Variants in ADD3 observed in about 807,000 individuals in gnomAD.
ADD3 encodes gamma-adducin.
ADD3 carries 25 observed loss-of-function variants against 80.2 expected under a neutral mutation model. That is an observed-to-expected ratio of 0.31 (90% confidence interval 0.23 to 0.44). ADD3 has a LOEUF of 0.44. ADD3 is among the 20% of genes least tolerant of loss of function. ADD3 has a pLI of 1.00. For missense variants in ADD3, 829 were observed against 847.5 expected (o/e 0.98, Z 0.27); for synonymous variants, 284 against 289.6 (o/e 0.98, Z 0.20).
chr10:110,026,928 A>C (rs1423130106), intron 1 of ADD3, among the ~76,000 whole-genome samples: 2 of 152,162 alleles, frequency 1.3e-5, no homozygotes, highest in African/African-American at 4.8e-5. Context: ...GGATTTCAGT[A>C]ATGTATTCGA....
intron 1 of ADD3, among the ~76,000 whole-genome samples, chr10:110,074,114 C>T (rs552156968): frequency 6.6e-6 from 1 of 152,268 alleles, no homozygotes; most frequent in East Asian, 1.9e-4. Context: ...AAACTTGTCT[C>T]CTCTCCTCCC....
intron 1 of ADD3, among the ~76,000 whole-genome samples, chr10:110,042,742 G>A (rs1463995792): frequency 6.8e-6 from 1 of 146,054 alleles, no homozygotes; most frequent in African/African-American, 2.5e-5. Context: ...GAACCAAATC[G>A]AATTCTCCTG....
rs1853449930 is a variant in ADD3, at chr10:110,134,473, T to A, written c.*855T>A. 1 of 152,560 alleles carries A rather than the reference T, an allele frequency of 6.6e-6. No individual in the cohort carries two copies. Among genetic ancestry groups the A allele is most frequent in the African/African-American group, 2.4e-5 (1 of 41,446 alleles). The allele number at this position is 152,560 out of a possible 1,614,324, so 9.5% of individuals were successfully genotyped here. A position where few individuals can be genotyped will look rare whatever the true frequency, so the allele number is the denominator to read the frequency against. On this transcript the variant is annotated 3_prime_UTR_variant, in exon 15 of 15. Coordinates refer to ENST00000356080, the MANE Select transcript of ADD3 (RefSeq NM_016824.5). ...AGTATACTTAAATATAACTCCAGAA[T>A]CCAGGGACTTGGTGTTAAAACAGGA...
chr10:110,007,756 C>A (rs994132045), upstream of ADD3, among the ~76,000 whole-genome samples: 1 of 151,446 alleles, frequency 6.6e-6, no homozygotes, highest in African/African-American at 2.4e-5. Flanking sequence ...CCAGGACTCC[C>A]GAGGGGCGCT....
intron 1 of ADD3, among the ~76,000 whole-genome samples, chr10:110,054,053 T>C (rs1435506062): frequency 6.6e-6 from 1 of 152,180 alleles, no homozygotes; most frequent in African/African-American, 2.4e-5. Context: ...GAATAAAATG[T>C]CCACTATAAA....
intron 1 of ADD3, among the ~76,000 whole-genome samples, chr10:110,065,122 T>G (rs1843740550): frequency 6.6e-6 from 1 of 152,210 alleles, no homozygotes; most frequent in African/African-American, 2.4e-5. Context: ...AGTTTTAATT[T>G]CTTTCTTCCT....
intron 1 of ADD3, among the ~76,000 whole-genome samples, chr10:110,021,445 C>G (rs569237960): frequency 2.2e-4 from 34 of 152,094 alleles, no homozygotes; most frequent in African/African-American, 7.7e-4. Flanking sequence ...TCATAATAGC[C>G]CAAAAATGGA....
At chr10:110,114,074 C>T (rs1173031624) in intron 3 of ADD3, among the ~76,000 whole-genome samples, 5 of 152,224 alleles carry the variant, frequency 3.3e-5, no homozygotes, top group South Asian at 2.1e-4. Context: ...GATTCCATGG[C>T]GGGAACAAGG....
chr10:110,036,918 T>C (rs533714942), intron 1 of ADD3, among the ~76,000 whole-genome samples: 36 of 152,284 alleles, frequency 2.4e-4, no homozygotes, highest in African/African-American at 8.4e-4. Flanking sequence ...GCCACTGCTT[T>C]AGCCACAAAA....
chr10:110,130,239 G>T lies in ADD3; in HGVS notation c.1609-124G>T. ...AAGCATGTTACCTTGCATTTCTTAG[G>T]ATTGTTGTGAAATAAGGCTTCACAA... On this transcript the variant is annotated intron_variant, in intron 12 of 14. Coordinates refer to ENST00000356080, the MANE Select transcript of ADD3 (RefSeq NM_016824.5). 7.2e-6 allele frequency: 7 copies of T among 970,868 alleles called. No individual in the cohort carries two copies. In the South Asian group the frequency reaches 9.7e-5, roughly 13 times the overall value. 60.1% of individuals were successfully genotyped at this position (970,868 alleles called of 1,614,324 possible).
At chr10:110,089,606 T>C (rs977372526) in intron 1 of ADD3, among the ~76,000 whole-genome samples, 3 of 152,142 alleles carry the variant, frequency 2.0e-5, no homozygotes, top group African/African-American at 7.2e-5. Context: ...ACCAAGGCTG[T>C]GTGTCTTTGG....
intron 1 of ADD3, among the ~76,000 whole-genome samples, chr10:110,063,784 A>ATATATATAT (rs1230336153): frequency 7.5e-5 from 4 of 53,304 alleles, no homozygotes; most frequent in African/African-American, 1.2e-4. Flanking sequence ...TATATATATA[A>ATATATATAT]AGTGAACACC....
chr10:110,067,032 G>A (rs942157722), intron 1 of ADD3, among the ~76,000 whole-genome samples: 36 of 152,240 alleles, frequency 2.4e-4, no homozygotes, highest in African/African-American at 8.7e-4. Context: ...TGCACTGATT[G>A]GTTTCTGGTT....
intron 1 of ADD3, among the ~76,000 whole-genome samples, chr10:109,998,720 C>T (rs2133666198): frequency 6.6e-6 from 1 of 152,224 alleles, no homozygotes; most frequent in South Asian, 2.1e-4. Flanking sequence ...CTTGTTCCTG[C>T]CTCATGACCT....
intron 1 of ADD3, among the ~76,000 whole-genome samples, chr10:110,042,831 T>A (rs954674685): frequency 2.0e-5 from 3 of 152,166 alleles, no homozygotes; most frequent in African/African-American, 7.2e-5. Context: ...GTAAAGCAGT[T>A]TGATTTTGTT....
intron 1 of ADD3, among the ~76,000 whole-genome samples, chr10:110,065,221 G>T (rs1443291670): frequency 2.0e-5 from 3 of 152,044 alleles, no homozygotes; most frequent in African/African-American, 7.2e-5. Context: ...TCCAAAGATA[G>T]TTTTGTTAGA....
At chr10:110,094,917 A>G (rs569278800) in intron 1 of ADD3, among the ~76,000 whole-genome samples, 1 of 152,332 alleles carries the variant, frequency 6.6e-6, no homozygotes, top group Admixed American at 6.5e-5. Context: ...TAGGTCTGGT[A>G]GTTGAAAGTA....
intron 5 of ADD3, among the ~76,000 whole-genome samples, chr10:110,118,328 C>T (rs985456212): frequency 6.6e-6 from 1 of 152,074 alleles, no homozygotes; most frequent in African/African-American, 2.4e-5. Flanking sequence ...TACTTCTTGC[C>T]AAGTACCAAG....
chr10:110,112,919 T>C lies in ADD3; in HGVS notation c.334+4T>C, dbSNP rs920453861. On this transcript the variant is annotated splice_donor_region_variant and intron_variant, in intron 3 of 14. Coordinates refer to ENST00000356080, the MANE Select transcript of ADD3 (RefSeq NM_016824.5). ...GGTTTTTCTTCACCTCCTCTCAGTA[T>C]GTCAGTTTTGGAGAGTTTTAAACAT... 5 of 1,612,826 alleles carry C rather than the reference T, an allele frequency of 3.1e-6. No homozygotes were observed. Among genetic ancestry groups the C allele is most frequent in the South Asian group, 1.1e-5 (1 of 90,850 alleles).
Sources: allele counts gnomAD v4.1 joint callset (sites outside exome capture counted in the v4.1 genomes callset), GRCh38; gene constraint gnomAD v4.1.1; transcripts MANE v1.5; gene names NCBI Gene and HGNC (gene_info 2026-07-23, HGNC 2026-07-21).